The following CACNA1A variants were observed in gnomAD, a reference collection of about 807,000 sequenced individuals.
The protein encoded by CACNA1A is voltage-dependent P/Q-type calcium channel subunit alpha-1A.
Under a neutral mutation model 262.4 loss-of-function variants are expected in CACNA1A, and 57 were observed. The observed-to-expected ratio is 0.22, with a 90% CI of 0.18 to 0.27. CACNA1A has a LOEUF of 0.27. Ranked by LOEUF, CACNA1A falls within the 10% of genes least tolerant of loss-of-function variation. CACNA1A has a pLI of 1.00. For synonymous variants in CACNA1A, 1,431 were observed against 1,419.3 expected (o/e 1.01, Z -0.18); for missense variants, 2,526 against 3,562.8 (o/e 0.71, Z 7.41).
intron 43 of CACNA1A, chr19:13,211,436 C>G (rs1044771572): frequency 1.3e-5 from 2 of 153,100 alleles, no homozygotes; most frequent in African/African-American, 4.8e-5. Flanking sequence ...GGTGAAGCGG[C>G]CACACACAGA....
intron 1 of CACNA1A, among the ~76,000 whole-genome samples, chr19:13,491,580 G>A (rs1470664182): frequency 1.3e-5 from 2 of 152,174 alleles, no homozygotes; most frequent in African/African-American, 4.8e-5. Flanking sequence ...GGGGACATGG[G>A]GGATCCTGTT....
intron 6 of CACNA1A, among the ~76,000 whole-genome samples, chr19:13,346,655 TATATATATATA>T (rs528605944): frequency 3.2e-3 from 19 of 5,908 alleles, no homozygotes; most frequent in East Asian, 0.018. Context: ...TATATATATA[TATATATATATA>T]TTTTTTTTTT....
At chr19:13,235,072 T>A (rs746628145) in intron 33 of CACNA1A, 36 bp from the exon 34 acceptor site, 1 of 1,550,016 alleles carries the variant, frequency 6.5e-7, no homozygotes, top group Admixed American at 1.7e-5. Context: ...GGGGCTGCCA[T>A]TCCTCCAGTG....
intron 19 of CACNA1A, among the ~76,000 whole-genome samples, chr19:13,294,563 G>C (rs1368370003): frequency 1.4e-5 from 2 of 139,264 alleles, no homozygotes; most frequent in Non-Finnish European, 3.0e-5. Context: ...TGTGATCTCA[G>C]CTCACTGTAA....
At chr19:13,272,969 C>CT in intron 24 of CACNA1A, 1 of 152,056 alleles carries the variant, frequency 6.6e-6, no homozygotes, top group Admixed American at 6.6e-5. Context: ...TAATACATTC[C>CT]TTTTTTTATT....
rs1203863872 is a variant in CACNA1A, at chr19:13,224,743, T to C, written c.5655A>G (p.Ala1885=). Residue 1885 remains alanine (A), a synonymous_variant, in exon 38 of 47, where the codon GCA becomes GCG. Transcript: ENST00000360228. The part of the protein sequence containing the change: ...KRLLRMDLPV[A]DDNTVHFNST... ...AATTGAAGTGGACGGTGTTGTCATC[T>C]GCGACGGGCAGGTCCATCCGCAGAA... 1 of 1,610,828 alleles carries C rather than the reference T, an allele frequency of 6.2e-7. No individual in the cohort carries two copies. The highest frequency in any genetic ancestry group is 8.5e-7 in the Non-Finnish European group (1 of 1,178,752).
intron 1 of CACNA1A, among the ~76,000 whole-genome samples, chr19:13,482,296 T>A (rs554994589): frequency 9.2e-5 from 14 of 151,842 alleles, no homozygotes; most frequent in African/African-American, 3.1e-4. Context: ...CCATCCTGGC[T>A]AGCAGTGAAA....
At position 13,212,326 on chromosome 19, in the gene CACNA1A, C is replaced by T. The variant is rs1236285488; in HGVS notation, c.6189+58G>A. 8.1e-6 allele frequency: 13 copies of T among 1,604,962 alleles called. No individual in the cohort carries two copies. The highest frequency in any genetic ancestry group is 1.1e-5 in the Non-Finnish European group (13 of 1,173,984). ...GTGTGTGTGTGGGGGGCCCAGATCC[C>T]TTCCACCTGAACCACCCGGGCCCTG... On this transcript the variant is annotated intron_variant, in intron 42 of 46. Coordinates refer to ENST00000360228, the MANE Select transcript of CACNA1A (RefSeq NM_001127222.2). This position sits in a 1 kb window ranked among gnomAD's most constrained non-coding sequence, Gnocchi z 5.6.
intron 17 of CACNA1A, 46 bp from the exon 18 acceptor site, chr19:13,300,702 T>C: frequency 1.4e-6 from 2 of 1,477,790 alleles, no homozygotes; most frequent in Non-Finnish European, 1.9e-6. Context: ...GAACTAGGCC[T>C]TGGGGACTCA....
chr19:13,374,952 TGAGCCA>T (rs1229877477), intron 3 of CACNA1A, among the ~76,000 whole-genome samples: 1 of 152,218 alleles, frequency 6.6e-6, no homozygotes, highest in Non-Finnish European at 1.5e-5. Context: ...ATTATGGACG[TGAGCCA>T]CCACACCGGC....
intron 1 of CACNA1A, among the ~76,000 whole-genome samples, chr19:13,477,913 CT>C (rs1366482501): frequency 9.2e-5 from 14 of 152,312 alleles, no homozygotes; most frequent in Admixed American, 8.5e-4. Flanking sequence ...CATGGGCCCC[CT>C]GGGCTCAGAG....
chr19:13,400,836 C>A (rs28488435), intron 3 of CACNA1A, among the ~76,000 whole-genome samples: 1 of 152,004 alleles, frequency 6.6e-6, no homozygotes, highest in Non-Finnish European at 1.5e-5. Flanking sequence ...GGGGCCATGG[C>A]GGTCCTGAGG....
chr19:13,225,063 C>A, intron 37 of CACNA1A: 1 of 322,298 alleles, frequency 3.1e-6, no homozygotes. Context: ...TTGCCCCACC[C>A]CCGCCCTGCC....
chr19:13,332,209 C>T (rs982806063), intron 9 of CACNA1A, among the ~76,000 whole-genome samples: 7 of 151,990 alleles, frequency 4.6e-5, no homozygotes, highest in African/African-American at 1.7e-4. Context: ...AAGACCAGCC[C>T]GGCCAACATG....
intron 36 of CACNA1A, chr19:13,227,793 A>C: frequency 4.5e-6 from 1 of 222,450 alleles, no homozygotes; most frequent in Admixed American, 5.8e-5. Context: ...AGAGAGAGAA[A>C]AGAGAAAAGT....
intron 1 of CACNA1A, among the ~76,000 whole-genome samples, chr19:13,467,874 A>C (rs59452080): frequency 0.053 from 8,130 of 151,994 alleles, 349 homozygotes; most frequent in East Asian, 0.21. Context: ...CAAAGTGCTG[A>C]GATTACAGGC....
intron 6 of CACNA1A, among the ~76,000 whole-genome samples, chr19:13,338,737 G>A (rs1028378292): frequency 2.0e-5 from 3 of 152,202 alleles, no homozygotes; most frequent in Non-Finnish European, 4.4e-5. Context: ...GGGGGCTTCT[G>A]GGGCTGAGAA....
At chr19:13,268,268 G>T (rs1469791920) in intron 24 of CACNA1A, among the ~76,000 whole-genome samples, 1 of 152,108 alleles carries the variant, frequency 6.6e-6, no homozygotes, top group Non-Finnish European at 1.5e-5. Context: ...CCTAGCAGCT[G>T]GTCCTCTCGT....
intron 1 of CACNA1A, among the ~76,000 whole-genome samples, chr19:13,460,540 G>C (rs2061101653): frequency 6.6e-6 from 1 of 152,134 alleles, no homozygotes. Flanking sequence ...GCATGTGGAA[G>C]TATTCAAAGC....
Sources: allele counts gnomAD v4.1 joint callset (sites outside exome capture counted in the v4.1 genomes callset), GRCh38; gene constraint gnomAD v4.1.1; non-coding constraint Gnocchi (gnomAD v3.1); transcripts MANE v1.5; gene names NCBI Gene and HGNC (gene_info 2026-07-23, HGNC 2026-07-21).